GNAI1: variants seen among roughly 807,000 people sequenced by gnomAD.
GNAI1 encodes the protein guanine nucleotide-binding protein G(i) subunit alpha-1.
A neutral mutation model predicts 38.9 loss-of-function variants in GNAI1; 11 were observed. The ratio of observed to expected loss-of-function variants is 0.28; its 90% confidence interval spans 0.18 to 0.47. GNAI1 has a LOEUF of 0.47. Among genes scored for constraint, GNAI1 ranks in the 20% least tolerant of loss-of-function variants. The pLI, the probability that GNAI1 is intolerant of heterozygous loss-of-function variation, is 0.99. For synonymous variants in GNAI1, 166 were observed against 145.1 expected (o/e 1.14, Z -1.04); for missense variants, 317 against 436.9 (o/e 0.73, Z 2.45).
At position 80,199,399 on chromosome 7, in the gene GNAI1, T is replaced by C. The variant is rs1247196476; in HGVS notation, c.461+17T>C. On this transcript the variant is annotated intron_variant, in intron 4 of 7. Transcript: ENST00000649796. ...TGCAGCATAGTAAGTAATCATAACTTCAGAACTAAACTATCATGAATAATT... is the reference window on the plus strand; with the variant it reads ...TGCAGCATAGTAAGTAATCATAACTCCAGAACTAAACTATCATGAATAATT... The C allele has an allele frequency of 6.4e-7, 1 of 1,560,920 alleles. No individual in the cohort carries two copies. The highest frequency in any genetic ancestry group is 1.2e-5 in the South Asian group (1 of 83,622).
intron 5 of GNAI1, among the ~76,000 whole-genome samples, chr7:80,210,067 T>C (rs1414497079): frequency 6.6e-6 from 1 of 152,216 alleles, no homozygotes; most frequent in Non-Finnish European, 1.5e-5. Flanking sequence ...ACTATTTTAA[T>C]TAGTGCACCA....
rs924599026 is a variant in GNAI1, at chr7:80,135,290, C to CGGGTCG, written c.118+16_118+21dup. 6 of 1,417,106 alleles carry CGGGTCG rather than the reference C, an allele frequency of 4.2e-6. No homozygotes were observed. The Admixed American group carries it at 1.3e-4, about 32-fold the overall frequency. 87.8% of individuals were successfully genotyped at this position (1,417,106 alleles called of 1,614,324 possible). ...GCTGCTGCTGCTCGGTAAGGGCGGC[C>CGGGTCG]GGGTCGGGGCCCGGGGGTCGGCGGG... On this transcript the variant is annotated intron_variant, in intron 1 of 7. Transcript: ENST00000649796.
Position 80,221,636 on chromosome 7 carries a change from C to CTTTTTT in GNAI1, c.*4163_*4168dup, listed in dbSNP as rs71518978. On this transcript the variant is annotated 3_prime_UTR_variant, in exon 8 of 8. Coordinates refer to ENST00000649796, the MANE Select transcript of GNAI1 (RefSeq NM_002069.6). ...ATTTTAATGTTAGGTTGGAAATTTT[C>CTTTTTT]TTTTTTTTTTTTTTTTTTTTTTTTT... is the stretch of plus-strand genomic sequence containing the variant. 3.5e-3 allele frequency among the ~76,000 whole-genome samples: 330 copies of CTTTTTT among 94,260 alleles called. 4 individuals carry two copies. Among genetic ancestry groups the CTTTTTT allele is most frequent in the East Asian group, 7.4e-3 (19 of 2,560 alleles). The allele number at this position is 94,260 out of a possible 152,430, so 61.8% of individuals were successfully genotyped here.
Position 80,218,860 on chromosome 7 carries a change from C to G in GNAI1, c.*1367C>G, listed in dbSNP as rs10226678. The G allele has an allele frequency of 6.7e-6, 1 of 150,298 alleles. No individual in the cohort carries two copies. Among genetic ancestry groups the G allele is most frequent in the African/African-American group, 2.5e-5 (1 of 39,756 alleles). The allele number at this position is 150,298 out of a possible 1,614,324, so 9.3% of individuals were successfully genotyped here. A position where few individuals can be genotyped will look rare whatever the true frequency, so the allele number is the denominator to read the frequency against. On this transcript the variant is annotated 3_prime_UTR_variant, in exon 8 of 8. Transcript: ENST00000649796. ...TACTGAGCTTTGATAGAATAATTTT[C>G]TTTTGATTATTCATGATGTGTCATC...
At chr7:80,171,378 A>C (rs972825232) in intron 1 of GNAI1, among the ~76,000 whole-genome samples, 4 of 152,132 alleles carry the variant, frequency 2.6e-5, no homozygotes, top group African/African-American at 9.7e-5. Flanking sequence ...CTGCACCATC[A>C]TTTATCATTG....
At chr7:80,158,016 A>G (rs1787849588) in intron 1 of GNAI1, among the ~76,000 whole-genome samples, 1 of 152,066 alleles carries the variant, frequency 6.6e-6, no homozygotes, top group East Asian at 1.9e-4. Context: ...GCCCTGAAGA[A>G]TATTTTTATA....
intron 1 of GNAI1, among the ~76,000 whole-genome samples, chr7:80,184,674 G>A (rs1228850577): frequency 6.6e-6 from 1 of 152,132 alleles, no homozygotes; most frequent in African/African-American, 2.4e-5. Context: ...TTCACTGGCT[G>A]TGACCAATTA....
Position 80,135,120 on chromosome 7 carries a change from G to C in GNAI1, c.-41G>C, listed in dbSNP as rs372011450. ...TCCCCTGTGCTTGGAGCCCGCACTC[G>C]GGCGCGGAGGGAGCGGCGGCAGGCT... On this transcript the variant is annotated 5_prime_UTR_variant, in exon 1 of 8. Transcript: ENST00000649796. 125 of 1,365,050 alleles carry C rather than the reference G, an allele frequency of 9.2e-5. No homozygotes were observed. The highest frequency in any genetic ancestry group is 1.2e-4 in the Non-Finnish European group (119 of 1,020,986). The allele number at this position is 1,365,050 out of a possible 1,614,324, so 84.6% of individuals were successfully genotyped here.
chr7:80,179,467 T>C (rs538789227), intron 1 of GNAI1, among the ~76,000 whole-genome samples: 21 of 152,234 alleles, frequency 1.4e-4, no homozygotes, highest in Non-Finnish European at 2.8e-4. Context: ...AAACTTGTTT[T>C]ACCTGCCATT....
intron 1 of GNAI1, among the ~76,000 whole-genome samples, chr7:80,155,437 TTAAA>T (rs1228604329): frequency 6.6e-6 from 1 of 152,214 alleles, no homozygotes; most frequent in Non-Finnish European, 1.5e-5. Context: ...GTCTATAATA[TTAAA>T]TAGAGTTTTC....
At chr7:80,215,657 G>A (rs897380552) in intron 7 of GNAI1, among the ~76,000 whole-genome samples, 2 of 152,124 alleles carry the variant, frequency 1.3e-5, no homozygotes, top group Admixed American at 6.5e-5. Flanking sequence ...ATTTACTCTT[G>A]AAGAGTTCAC....
chr7:80,137,642 A>G (rs887487360), intron 1 of GNAI1, among the ~76,000 whole-genome samples: 7 of 152,058 alleles, frequency 4.6e-5, no homozygotes, highest in African/African-American at 1.7e-4. Context: ...TCTCTAAACC[A>G]GTACTGGTAC....
chr7:80,198,328 TTTC>T (rs1226634997), intron 3 of GNAI1, among the ~76,000 whole-genome samples: 1 of 152,098 alleles, frequency 6.6e-6, no homozygotes, highest in African/African-American at 2.4e-5. Flanking sequence ...TTAAAAATCA[TTTC>T]ACCTAGCTTT....
At chr7:80,151,713 C>A (rs143214154) in intron 1 of GNAI1, among the ~76,000 whole-genome samples, 49 of 152,358 alleles carry the variant, frequency 3.2e-4, no homozygotes, top group Non-Finnish European at 5.9e-4. Context: ...CTCTAACTTT[C>A]AAACTGCCTA....
At chr7:80,200,559 A>C (rs567749892) in intron 4 of GNAI1, among the ~76,000 whole-genome samples, 4 of 152,074 alleles carry the variant, frequency 2.6e-5, no homozygotes, top group Non-Finnish European at 4.4e-5. Flanking sequence ...ATAGATGACA[A>C]ATTTTGAAAG....
Position 80,218,196 on chromosome 7 carries a change from T to G in GNAI1, c.*703T>G, listed in dbSNP as rs535871767. ...CTTTAAGAAAATAAAATAATTTAAT[T>G]TTACATTAGATTCCACGTTAGATTT... On this transcript the variant is annotated 3_prime_UTR_variant, in exon 8 of 8. Coordinates refer to ENST00000649796, the MANE Select transcript of GNAI1 (RefSeq NM_002069.6). 10 of 152,164 alleles carry G rather than the reference T, an allele frequency of 6.6e-5. No homozygotes were observed. Among genetic ancestry groups the G allele is most frequent in the Non-Finnish European group, 1.0e-4 (7 of 68,006 alleles). 9.4% of individuals were successfully genotyped at this position (152,164 alleles called of 1,614,324 possible). A position where few individuals can be genotyped will look rare whatever the true frequency, so the allele number is the denominator to read the frequency against.
Position 80,159,658 on chromosome 7 carries a change from C to T in GNAI1, c.118+24380C>T, listed in dbSNP as rs562529127. Among the ~76,000 whole-genome samples the T allele has an allele frequency of 2.2e-4, 34 of 152,220 alleles. 1 individual carries two copies. The highest frequency in any genetic ancestry group is 2.1e-3 in the Admixed American group (32 of 15,278). The stretch of plus-strand genomic sequence containing the variant: ...CACAACACTAACATTTAAAAATATT[C>T]GTTGTTTCCTGTTTGGATGGTGGAG... On this transcript the variant is annotated intron_variant, in intron 1 of 7. Coordinates refer to ENST00000649796, the MANE Select transcript of GNAI1 (RefSeq NM_002069.6).
intron 1 of GNAI1, among the ~76,000 whole-genome samples, chr7:80,154,201 G>A (rs1787777472): frequency 6.6e-6 from 1 of 152,170 alleles, no homozygotes; most frequent in South Asian, 2.1e-4. Flanking sequence ...GGGATTTACG[G>A]GCATGAGCCA....
intron 1 of GNAI1, among the ~76,000 whole-genome samples, chr7:80,171,693 G>A (rs61495753): frequency 6.6e-6 from 1 of 152,170 alleles, no homozygotes; most frequent in African/African-American, 2.4e-5. Flanking sequence ...TATCTTTTCC[G>A]GAACCAAATT....
Sources: allele counts gnomAD v4.1 joint callset (sites outside exome capture counted in the v4.1 genomes callset), GRCh38; gene constraint gnomAD v4.1.1; transcripts MANE v1.5; gene names NCBI Gene and HGNC (gene_info 2026-07-23, HGNC 2026-07-21).